The following PARP4 variants were observed in gnomAD, a reference collection of about 807,000 sequenced individuals.
PARP4 encodes protein mono-ADP-ribosyltransferase PARP4.
PARP4 carries 120 observed loss-of-function variants against 187.7 expected under a neutral mutation model. The observed-to-expected ratio is 0.64, with a 90% CI of 0.55 to 0.74. PARP4 has a LOEUF of 0.74. Ranked by LOEUF, PARP4 falls within the 30% of genes least tolerant of loss-of-function variation. PARP4 has a pLI of 0.00. For synonymous variants in PARP4, 654 were observed against 740.9 expected, an observed-to-expected ratio of 0.88 and a Z score of 1.90; for missense variants, 1,836 against 2,070.5, an observed-to-expected ratio of 0.89 and a Z score of 2.20.
At chr13:24,459,363 T>C (rs1872065516) in intron 18 of PARP4, 53 bp from the exon 19 acceptor site, 1 of 1,448,370 alleles carries the variant, frequency 6.9e-7, no homozygotes, top group South Asian at 1.3e-5. Context: ...AGTTTCACAA[T>C]GAGACTAAAG....
At position 24,435,144 on chromosome 13, in the gene PARP4, C is replaced by T. The variant is rs1404864373; in HGVS notation, c.3997G>A (p.Ala1333Thr). 5.0e-6 allele frequency: 8 copies of T among 1,614,082 alleles called. No homozygotes were observed. Among genetic ancestry groups the T allele is most frequent in the Admixed American group, 1.7e-5 (1 of 60,010 alleles). Reference protein sequence around the residue: ...VGSYLPPTARAHSPASLSFAS... With the variant: ...VGSYLPPTARTHSPASLSFAS... ...AAAGACAAGGAAGCAGGACTGTGAG[C>T]GCGGGCAGTCGGGGGAAGATAGGAA... The change falls in exon 31 of 34, where the codon GCT becomes ACT. Residue 1333 changes from alanine to threonine, a missense_variant. Transcript: ENST00000381989.
intron 10 of PARP4, among the ~76,000 whole-genome samples, chr13:24,487,886 A>G (rs532421108): frequency 5.0e-4 from 76 of 152,226 alleles, no homozygotes; most frequent in African/African-American, 1.5e-3. Context: ...CAGTGGTTAT[A>G]TTATCTCAGG....
intron 12 of PARP4, among the ~76,000 whole-genome samples, chr13:24,478,860 A>G (rs540469946): frequency 6.6e-6 from 1 of 152,362 alleles, no homozygotes; most frequent in South Asian, 2.1e-4. Context: ...AGCTACTAAA[A>G]TATACACATT....
intron 32 of PARP4, among the ~76,000 whole-genome samples, chr13:24,430,425 G>A (rs1870278650): frequency 6.6e-6 from 1 of 152,048 alleles, no homozygotes; most frequent in Non-Finnish European, 1.5e-5. Context: ...GGCCAAGGTG[G>A]GCAGATTGCT....
chr13:24,455,475 GAACA>G (rs1295314106), intron 21 of PARP4, among the ~76,000 whole-genome samples: 3 of 66,992 alleles, frequency 4.5e-5, no homozygotes, highest in Non-Finnish European at 6.7e-5. Flanking sequence ...CAACATTATG[GAACA>G]AATATATATA....
chr13:24,434,860 G>A lies in PARP4; in HGVS notation c.4281C>T (p.Gly1427=), dbSNP rs1870533259. 2.5e-6 allele frequency: 4 copies of A among 1,614,096 alleles called. No individual in the cohort carries two copies. The highest frequency in any genetic ancestry group is 2.5e-6 in the Non-Finnish European group (3 of 1,180,002). ...GGGGAGAATCCAGCTCAGGGAAGGTGCCAGCAGAAGGCCTGGTAGTAAAGC... is the reference window on the plus strand; with the variant it reads ...GGGGAGAATCCAGCTCAGGGAAGGTACCAGCAGAAGGCCTGGTAGTAAAGC... ...PGGFTTRPSA[G]TFPELDSPQL... Residue 1427 remains glycine, a synonymous_variant, in exon 31 of 34, where the codon GGC becomes GGT. Coordinates refer to ENST00000381989, the MANE Select transcript of PARP4 (RefSeq NM_006437.4).
At chr13:24,492,741 A>T (rs986526136) in intron 8 of PARP4, 147 bp from the exon 9 acceptor site, 2 of 677,670 alleles carry the variant, frequency 3.0e-6, no homozygotes, top group Admixed American at 2.9e-5. Flanking sequence ...GCTGATCTTT[A>T]TTGGAGACGT....
At chr13:24,467,779 C>G (rs1872545843) in intron 17 of PARP4, among the ~76,000 whole-genome samples, 1 of 152,088 alleles carries the variant, frequency 6.6e-6, no homozygotes, top group African/African-American at 2.4e-5. Context: ...GACCCTATTC[C>G]TAGGGAAATA....
chr13:24,492,917 A>C (rs972199460), intron 8 of PARP4, among the ~76,000 whole-genome samples: 2 of 152,232 alleles, frequency 1.3e-5, no homozygotes, highest in African/African-American at 4.8e-5. Flanking sequence ...TGCTTTTCAC[A>C]TGAGAAATTT....
In PARP4 at chr13:24,446,698, G is replaced by A; in HGVS notation, c.3349C>T (p.Gln1117Ter). The change falls in exon 27 of 34, where the codon CAG (glutamine) becomes TAG (stop). Residue 1117 changes from glutamine (Q) to a stop codon, truncating the protein, a stop_gained. Transcript: ENST00000381989. LOFTEE classifies it high-confidence loss of function. ...FRTMVSTTEL[Q>*]KTTGTMIHKL... ...AATCTTACAGTTCCAGTTGTCTTCT[G>A]AAGCTCAGTAGTCGACACCATTGTA... 6.3e-7 allele frequency: 1 copy of A among 1,592,616 alleles called. No individual in the cohort carries two copies. Among genetic ancestry groups the A allele is most frequent in the Non-Finnish European group, 8.6e-7 (1 of 1,160,362 alleles).
At chr13:24,460,159 A>C in intron 17 of PARP4, 23 bp from the exon 18 acceptor site, 1 of 1,602,586 alleles carries the variant, frequency 6.2e-7, no homozygotes, top group Non-Finnish European at 8.5e-7. Flanking sequence ...CATATGACTT[A>C]GCTTCCAACT....
chr13:24,425,070 C>A (rs35962258), intron 33 of PARP4, among the ~76,000 whole-genome samples: 1 of 151,516 alleles, frequency 6.6e-6, no homozygotes, highest in Non-Finnish European at 1.5e-5. Flanking sequence ...AGGAGGCTGA[C>A]GCGGGAGGAT....
intron 15 of PARP4, among the ~76,000 whole-genome samples, chr13:24,474,188 CTT>C (rs1271637081): frequency 2.0e-5 from 3 of 152,178 alleles, no homozygotes; most frequent in Non-Finnish European, 2.9e-5. Context: ...CTGTCTTTCT[CTT>C]GTGTCCCGTC....
chr13:24,422,679 GT>G (rs1254704110), intron 33 of PARP4, among the ~76,000 whole-genome samples: 3 of 152,028 alleles, frequency 2.0e-5, no homozygotes, highest in Non-Finnish European at 4.4e-5. Flanking sequence ...CACGATCTCG[GT>G]TCACTGCAAC....
chr13:24,435,164 T>C lies in PARP4; in HGVS notation c.3977A>G (p.Tyr1326Cys), dbSNP rs369024645. ...GTGAGCGCGGGCAGTCGGGGGAAGA[T>C]AGGAACCAACGGCCGGAGCCAAAAT... ...FPILAPAVGS[Y>C]LPPTARAHSP... is the part of the protein sequence containing the mutation. The change falls in exon 31 of 34, where the codon TAT becomes TGT. Residue 1326 changes from tyrosine to cysteine, a missense_variant. Tyr to Cys is a radical substitution (Grantham distance 194). Around this residue, in one of 8 missense-constraint regions of PARP4, gnomAD observed 450 missense variants for 439.2 expected, o/e 1.02. Transcript: ENST00000381989. 2.5e-5 allele frequency: 40 copies of C among 1,613,968 alleles called. No homozygotes were observed. The highest frequency in any genetic ancestry group is 6.6e-5 in the South Asian group (6 of 91,070).
chr13:24,509,489 A>C (rs1167811829), intron 1 of PARP4, among the ~76,000 whole-genome samples: 3 of 151,036 alleles, frequency 2.0e-5, no homozygotes, highest in African/African-American at 7.3e-5. Context: ...CCTGGGTGAC[A>C]AGAGACCCTA....
In PARP4 at chr13:24,493,711, T is replaced by A; in HGVS notation, c.764A>T (p.Asn255Ile). 2 of 1,613,726 alleles carry A rather than the reference T, an allele frequency of 1.2e-6. No homozygotes were observed. Among genetic ancestry groups the A allele is most frequent in the Non-Finnish European group, 1.7e-6 (2 of 1,179,920 alleles). ...CACCTCTTGGCTCAGAGTGCTTGAA[T>A]TCATGACTTCCTCCAAAAGCAACTA... is the stretch of plus-strand genomic sequence containing the variant. ...LQALLLEEVM[N>I]SSTLSQEVSD... Residue 255 changes from asparagine (N) to isoleucine (I), a missense_variant, in exon 8 of 34, where the codon AAT becomes ATT. Transcript: ENST00000381989.
At chr13:24,431,343 T>C in intron 32 of PARP4, 34 bp downstream of exon 32, 2 of 1,182,838 alleles carry the variant, frequency 1.7e-6, no homozygotes, top group Non-Finnish European at 2.4e-6. Flanking sequence ...TGAATGAAAA[T>C]AATGACTTAA....
At position 24,465,272 on chromosome 13, in the gene PARP4, C is replaced by T. The variant is rs570164992; in HGVS notation, c.2133+3752G>A. ...AGAACCAGAAATACCATTTGACCCA[C>T]CAATCCCATTACTGGGTATATACCC... On this transcript the variant is annotated intron_variant, in intron 17 of 33. Transcript: ENST00000381989. 2.7e-3 allele frequency among the ~76,000 whole-genome samples: 410 copies of T among 152,248 alleles called. 2 individuals carry two copies. Among genetic ancestry groups the T allele is most frequent in the Non-Finnish European group, 3.8e-3 (261 of 68,008 alleles).
Sources: allele counts gnomAD v4.1 joint callset (sites outside exome capture counted in the v4.1 genomes callset), GRCh38; gene constraint gnomAD v4.1.1; regional missense constraint gnomAD v4.1.1; transcripts MANE v1.5; gene names NCBI Gene and HGNC (gene_info 2026-07-23, HGNC 2026-07-21).